COX11: variants seen among roughly 807,000 people sequenced by gnomAD.
COX11 encodes the protein cytochrome c oxidase copper chaperone COX11, also known as cytochrome c oxidase assembly protein COX11, mitochondrial.
Under a neutral mutation model 29.4 loss-of-function variants are expected in COX11, and 18 were observed. That is an observed-to-expected ratio of 0.61 (90% CI 0.42 to 0.91). The LOEUF (loss-of-function observed/expected upper bound fraction) is 0.91. Ranked by LOEUF, COX11 falls within the 40% of genes least tolerant of loss-of-function variation. The pLI is 0.00. For missense variants in COX11, 312 were observed against 346.0 expected (o/e 0.90, Z 0.78); for synonymous variants, 131 against 124.0 (o/e 1.06, Z -0.38).
chr17:54,966,043 A>G (rs549484335), intron 1 of COX11, among the ~76,000 whole-genome samples: 25 of 152,346 alleles, frequency 1.6e-4, no homozygotes, highest in Middle Eastern at 3.4e-3. Flanking sequence ...TTTGACTGCC[A>G]TGCAACATTA....
chr17:54,955,712 ACT>A (rs2049466683), downstream of COX11, among the ~76,000 whole-genome samples: 1 of 152,030 alleles, frequency 6.6e-6, no homozygotes, highest in South Asian at 2.1e-4. Context: ...GAAAGAAGGA[ACT>A]TCTTTTTCTC....
rs1443255383 is a variant in COX11, at chr17:54,960,773, G to C, written c.*1960C>G. The C allele has an allele frequency of 4.6e-6, 3 of 648,012 alleles. No individual in the cohort carries two copies. In the African/African-American group the frequency reaches 5.5e-5, roughly 12 times the overall value. 40.1% of individuals were successfully genotyped at this position (648,012 alleles called of 1,614,324 possible). Reference sequence around the variant, plus strand: ...TGAGTTCCCCTGAATCATTCAAATTGTGCTGAACCATTGTTCACTAATGAG... The same window carrying C: ...TGAGTTCCCCTGAATCATTCAAATTCTGCTGAACCATTGTTCACTAATGAG... On this transcript the variant is annotated 3_prime_UTR_variant, in exon 4 of 4. Coordinates refer to ENST00000299335, the MANE Select transcript of COX11 (RefSeq NM_004375.5).
rs779471204 is a variant in COX11 at position 54,962,926 on chromosome 17, T to A, written c.649-11A>T. The A allele has an allele frequency of 1.9e-6, 3 of 1,598,156 alleles. No homozygotes were observed. In the South Asian group the frequency reaches 3.4e-5, roughly 18 times the overall value. On this transcript the variant is annotated splice_polypyrimidine_tract_variant and intron_variant, in intron 3 of 3. Transcript: ENST00000299335. ...TTCAAAACAGAAGCACTGGAAATTA[T>A]AGAAAGATTTTAATAACATTTCTAT...
rs1328514206 is a variant in COX11 at position 54,960,456 on chromosome 17, C to G, written c.*2277G>C. 1.0e-5 allele frequency: 8 copies of G among 768,428 alleles called. No individual in the cohort carries two copies. The highest frequency in any genetic ancestry group is 1.9e-5 in the Non-Finnish European group (8 of 426,786). 47.6% of individuals were successfully genotyped at this position (768,428 alleles called of 1,614,324 possible). A position where few individuals can be genotyped will look rare whatever the true frequency, so the allele number is the denominator to read the frequency against. ...GAGACTTATTTTTACTCATATGTAG[C>G]CTGAACTCCAAAACCAGCTCAATTT... On this transcript the variant is annotated 3_prime_UTR_variant, in exon 4 of 4. Coordinates refer to ENST00000299335, the MANE Select transcript of COX11 (RefSeq NM_004375.5).
chr17:54,957,738 C>G (rs2076982884), downstream of COX11: 1 of 152,130 alleles, frequency 6.6e-6, no homozygotes, highest in Non-Finnish European at 1.5e-5. Flanking sequence ...ACAATTTTTG[C>G]TCTACCAGGA....
chr17:54,956,112 A>G (rs1456499125), downstream of COX11, among the ~76,000 whole-genome samples: 3 of 152,188 alleles, frequency 2.0e-5, no homozygotes, highest in African/African-American at 7.2e-5. Flanking sequence ...AGATTCATTC[A>G]TCTGGTAATA....
chr17:54,967,235 GAA>G (rs2077249712), intron 1 of COX11, among the ~76,000 whole-genome samples: 2 of 152,150 alleles, frequency 1.3e-5, no homozygotes, highest in African/African-American at 4.8e-5. Context: ...TGGATTTTTA[GAA>G]GCTGTCCAGG....
chr17:54,966,652 G>T (rs377063137), intron 1 of COX11, among the ~76,000 whole-genome samples: 1 of 152,092 alleles, frequency 6.6e-6, no homozygotes, highest in Non-Finnish European at 1.5e-5. Context: ...ATCTCCTGGC[G>T]GTCTGAGAAG....
At chr17:54,958,644 C>T (rs1197227832), downstream of COX11, among the ~76,000 whole-genome samples, 2 of 147,152 alleles carry the variant, frequency 1.4e-5, no homozygotes, top group African/African-American at 5.1e-5. Flanking sequence ...ATAGGAGAAT[C>T]GTTTGAACCC....
chr17:54,953,037 C>CAA (rs2049315184), exon 1 of COX11: 1 of 152,202 alleles, frequency 6.6e-6, no homozygotes, highest in Non-Finnish European at 1.5e-5. Context: ...TGGATAGGGT[C>CAA]CACTTTTAGT....
chr17:54,967,587 C>T (rs1474601456), intron 1 of COX11, among the ~76,000 whole-genome samples: 1 of 147,750 alleles, frequency 6.8e-6, no homozygotes, highest in Non-Finnish European at 1.5e-5. Flanking sequence ...CCCTTCTTCT[C>T]CCCGCCCCAC....
chr17:54,962,941 A>G, intron 3 of COX11, 26 bp from the exon 4 acceptor site: 1 of 1,579,412 alleles, frequency 6.3e-7, no homozygotes. Flanking sequence ...AGATTTTAAT[A>G]ACATTTCTAT....
downstream of COX11, chr17:54,959,629 T>TTG (rs1219378846): frequency 6.6e-6 from 1 of 151,488 alleles, no homozygotes; most frequent in Non-Finnish European, 1.5e-5. Flanking sequence ...TTTTTTTTTT[T>TTG]TTTTTGAGAC....
At chr17:54,952,763 CAT>C (rs994534681) in exon 1 of COX11, 3 of 152,176 alleles carry the variant, frequency 2.0e-5, no homozygotes, top group African/African-American at 7.2e-5. Context: ...GCCAAGGAGT[CAT>C]ATGAGGCCCC....
chr17:54,956,333 G>A (rs901982216), downstream of COX11, among the ~76,000 whole-genome samples: 1 of 151,954 alleles, frequency 6.6e-6, no homozygotes, highest in Non-Finnish European at 1.5e-5. Context: ...GAGACAGAGT[G>A]TCACTCTGTC....
In COX11 at chr17:54,960,676, A is replaced by C; in HGVS notation, c.*2057T>G. ...TTAATTCCATATTCCATATAATTTC[A>C]GTATAATTATCACTTTACATATTTA... On this transcript the variant is annotated 3_prime_UTR_variant, in exon 4 of 4. Coordinates refer to ENST00000299335, the MANE Select transcript of COX11 (RefSeq NM_004375.5). 1.5e-6 allele frequency: 2 copies of C among 1,379,010 alleles called. No individual in the cohort carries two copies. The highest frequency in any genetic ancestry group is 2.3e-5 in the South Asian group (2 of 85,860). 85.4% of individuals were successfully genotyped at this position (1,379,010 alleles called of 1,614,324 possible). A position where few individuals can be genotyped will look rare whatever the true frequency, so the allele number is the denominator to read the frequency against.
Position 54,962,757 on chromosome 17 carries a change from C to A in COX11, c.807G>T (p.Lys269Asn). The change falls in exon 4 of 4, where the codon AAG (lysine) becomes AAT (asparagine). Residue 269 changes from lysine to asparagine, a missense_variant. By Grantham distance (94) the Lys-to-Asn change is moderately conservative (BLOSUM62 0). This residue lies in a region of COX11 where 182 missense variants were observed against 240.0 expected (regional missense o/e 0.76). Transcript: ENST00000299335. ...YTFFEAKEGH[K>N]LPVPGYN ...TTCAATTATATCCTGGAACTGGCAA[C>A]TTGTGCCCTTCCTTTGCTTCAAAAA... is the stretch of plus-strand genomic sequence containing the variant. 6.2e-7 allele frequency: 1 copy of A among 1,611,866 alleles called. No individual in the cohort carries two copies. The highest frequency in any genetic ancestry group is 1.1e-5 in the South Asian group (1 of 90,636).
In COX11 at chr17:54,963,372, T is replaced by C. The variant is rs1436859089; in HGVS notation, c.582A>G (p.Pro194=). The C allele has an allele frequency of 6.2e-7, 1 of 1,612,576 alleles. No individual in the cohort carries two copies. The highest frequency in any genetic ancestry group is 8.5e-7 in the Non-Finnish European group (1 of 1,179,160). ...FYRAKNPTDK[P]VIGISTYNIV... ...TATTGTATGTAGAAATTCCAATTAC[T>C]GGTTTGTCAGTAGGATTCTTAGCTC... Residue 194 remains proline (P), a synonymous_variant, in exon 3 of 4, where the codon CCA becomes CCG. Coordinates refer to ENST00000299335, the MANE Select transcript of COX11 (RefSeq NM_004375.5).
chr17:54,968,689 G>A (rs377341195), upstream of COX11: 108 of 1,577,092 alleles, frequency 6.8e-5, no homozygotes, highest in Middle Eastern at 1.7e-4. Flanking sequence ...GGGACGAGAG[G>A]TCAAATCTCG....
Sources: allele counts gnomAD v4.1 joint callset (sites outside exome capture counted in the v4.1 genomes callset), GRCh38; gene constraint gnomAD v4.1.1; regional missense constraint gnomAD v4.1.1; transcripts MANE v1.5; gene names NCBI Gene and HGNC (gene_info 2026-07-23, HGNC 2026-07-21).